KIF4A: variants seen among roughly 807,000 people sequenced by gnomAD.
The protein encoded by KIF4A is kinesin family member 4A.
Under a neutral mutation model 105.9 loss-of-function variants are expected in KIF4A, and 7 were observed. The ratio of observed to expected loss-of-function variants is 0.07; its 90% CI spans 0.04 to 0.12. KIF4A has a LOEUF of 0.12. Among genes scored for constraint, KIF4A ranks in the 10% least tolerant of loss-of-function variants. The pLI is 1.00. For missense variants in KIF4A, 558 were observed against 929.2 expected (o/e 0.60, Z 5.19); for synonymous variants, 281 against 331.3 (o/e 0.85, Z 1.65).
intron 28 of KIF4A, chrX:70,415,246 CAT>C: frequency 4.7e-6 from 1 of 211,990 alleles, no homozygotes; most frequent in Non-Finnish European, 8.8e-6. Flanking sequence ...TATGTATCAA[CAT>C]ATGTCATTTA....
At chrX:70,365,062 A>G (rs1299941542) in intron 15 of KIF4A, among the ~76,000 whole-genome samples, 16 of 111,620 alleles carry the variant, frequency 1.4e-4, no homozygotes, top group East Asian at 2.8e-4. Flanking sequence ...TTGGTGTATA[A>G]GAATGCTTGT....
intron 15 of KIF4A, among the ~76,000 whole-genome samples, chrX:70,365,150 G>C (rs145028265): frequency 0.034 from 3,808 of 111,656 alleles, 77 homozygotes; most frequent in Non-Finnish European, 0.052. Context: ...GTGCTGAGAC[G>C]ATGGAGTTTT....
chrX:70,370,845 A>G (rs896017099), intron 15 of KIF4A, among the ~76,000 whole-genome samples: 1 of 107,251 alleles, frequency 9.3e-6, no homozygotes, highest in East Asian at 3.0e-4. Flanking sequence ...CTGGGGCACA[A>G]GAATCTTTTG....
chrX:70,341,999 C>T (rs1034720923), intron 11 of KIF4A, 68 bp downstream of exon 11: 1 of 1,112,194 alleles, frequency 9.0e-7, no homozygotes, highest in African/African-American at 1.8e-5. Context: ...GAATATTTAA[C>T]ATGTATCTCA....
At chrX:70,362,241 G>T in intron 15 of KIF4A, 1 of 358,204 alleles carries the variant, frequency 2.8e-6, no homozygotes. Flanking sequence ...CTTCCCCATT[G>T]AGGAGATCTT....
intron 20 of KIF4A, among the ~76,000 whole-genome samples, chrX:70,388,802 G>A (rs181687544): frequency 7.1e-5 from 8 of 112,090 alleles, no homozygotes; most frequent in Admixed American, 4.7e-4. Flanking sequence ...ATTTAACAGA[G>A]GACTTCTGTG....
chrX:70,349,614 TG>T (rs1162690050), intron 13 of KIF4A, among the ~76,000 whole-genome samples: 1 of 40,042 alleles, frequency 2.5e-5, no homozygotes, highest in Non-Finnish European at 4.6e-5. Context: ...CCAGACGGGG[TG>T]GTGGCCGGGC....
At chrX:70,401,404 A>ATT (rs773667304) in intron 22 of KIF4A, among the ~76,000 whole-genome samples, 27 of 82,523 alleles carry the variant, frequency 3.3e-4, no homozygotes, top group African/African-American at 8.6e-4. Flanking sequence ...AAGTGAATTA[A>ATT]TTTTTTTTTT....
intron 5 of KIF4A, among the ~76,000 whole-genome samples, chrX:70,300,033 G>A (rs1426246741): frequency 1.8e-5 from 2 of 111,521 alleles, no homozygotes; most frequent in Non-Finnish European, 3.8e-5. Flanking sequence ...GGAGGTAGAT[G>A]AGGCTAGGTA....
Position 70,420,465 on chromosome X carries a change from C to A in KIF4A, c.*200C>A. On this transcript the variant is annotated 3_prime_UTR_variant, in exon 31 of 31. Transcript: ENST00000374403. The stretch of plus-strand genomic sequence containing the variant: ...GTCCAGACTACTACTCTATGTTCTC[C>A]AGAAGGGTGCTAAGTCACCTACTGA... 1.9e-6 allele frequency: 1 copy of A among 518,251 alleles called. No individual in the cohort carries two copies. Among genetic ancestry groups the A allele is most frequent in the Non-Finnish European group, 3.1e-6 (1 of 327,734 alleles). 42.7% of individuals were successfully genotyped at this position (518,251 alleles called of 1,213,427 possible).
Position 70,366,749 on chromosome X carries a change from G to A in KIF4A, c.1675-7402G>A, listed in dbSNP as rs767420906. On this transcript the variant is annotated intron_variant, in intron 15 of 30. Coordinates refer to ENST00000374403, the MANE Select transcript of KIF4A (RefSeq NM_012310.5). ...CTGTTGATTTGGGATGGAGAGTTCT[G>A]TAGATGTCTATTAGGTCCGCTTGGT... 1.2e-3 allele frequency among the ~76,000 whole-genome samples: 131 copies of A among 111,880 alleles called. 1 individual carries two copies. Among genetic ancestry groups the A allele is most frequent in the African/African-American group, 4.0e-3 (124 of 30,854 alleles).
chrX:70,335,091 G>A (rs932196638), intron 10 of KIF4A, among the ~76,000 whole-genome samples: 4 of 112,107 alleles, frequency 3.6e-5, no homozygotes, highest in African/African-American at 6.5e-5. Context: ...ATGTCTTCAC[G>A]ACCATGTTCA....
intron 13 of KIF4A, among the ~76,000 whole-genome samples, chrX:70,346,085 T>G (rs2085991482): frequency 9.0e-6 from 1 of 111,484 alleles, no homozygotes; most frequent in African/African-American, 3.3e-5. Context: ...ATTTAAGAGC[T>G]TTTATATAAA....
chrX:70,384,787 CAG>C (rs776903483), intron 18 of KIF4A, among the ~76,000 whole-genome samples: 6 of 108,461 alleles, frequency 5.5e-5, no homozygotes, highest in Non-Finnish European at 1.1e-4. Context: ...ATAATGGAGA[CAG>C]AGAATATATA....
intron 10 of KIF4A, 117 bp from the exon 11 acceptor site, chrX:70,341,681 TA>T: frequency 1.4e-6 from 1 of 723,098 alleles, no homozygotes; most frequent in Non-Finnish European, 2.0e-6. Context: ...TTTTGTGGTA[TA>T]ATTTTGACCT....
Position 70,325,435 on chromosome X carries a change from G to A in KIF4A, c.779-3970G>A, listed in dbSNP as rs936335680. On this transcript the variant is annotated intron_variant, in intron 7 of 30. Transcript: ENST00000374403. ...TGGGACTACAGGTGCACACCACCAC[G>A]CCCAGCTAATTTTTGTATTTTAGGT... Among the ~76,000 whole-genome samples the A allele has an allele frequency of 8.2e-5, 9 of 110,141 alleles. No individual in the cohort carries two copies. In the Admixed American group the frequency reaches 8.7e-4, roughly 11 times the overall value.
intron 3 of KIF4A, among the ~76,000 whole-genome samples, chrX:70,296,047 G>A (rs1384091871): frequency 1.0e-5 from 1 of 99,658 alleles, no homozygotes; most frequent in Non-Finnish European, 2.0e-5. Flanking sequence ...GCTTTTTTCA[G>A]TTAACTATAT....
chrX:70,336,662 G>A (rs747483546), intron 10 of KIF4A, among the ~76,000 whole-genome samples: 1 of 111,495 alleles, frequency 9.0e-6, no homozygotes, highest in East Asian at 2.8e-4. Flanking sequence ...CCCTTTTGCT[G>A]GTGAATTGTC....
chrX:70,411,627 C>G (rs1013072133), intron 28 of KIF4A, among the ~76,000 whole-genome samples: 2 of 111,072 alleles, frequency 1.8e-5, no homozygotes, highest in Non-Finnish European at 3.8e-5. Flanking sequence ...ACTCCACCCC[C>G]AGATATTCTG....
Sources: gnomAD v4.1 joint callset for allele counts (sites outside exome capture counted in the v4.1 genomes callset) on GRCh38, gnomAD v4.1.1 for gene constraint, MANE v1.5 for transcripts, NCBI Gene and HGNC (gene_info 2026-07-23, HGNC 2026-07-21) for gene names.